GRK3: variants seen among roughly 807,000 people sequenced by gnomAD.
The protein encoded by GRK3 is G protein-coupled receptor kinase 3.
In GRK3, 54 loss-of-function variants were observed where a neutral mutation model predicts 95.7. That is an observed-to-expected ratio of 0.56 (90% confidence interval 0.45 to 0.71). GRK3 has a LOEUF of 0.71. GRK3 is among the 30% of genes least tolerant of loss of function. GRK3 has a pLI of 0.00. For missense variants in GRK3, 649 were observed against 851.2 expected (o/e 0.76, Z 2.96); for synonymous variants, 281 against 290.8 (o/e 0.97, Z 0.34).
chr22:25,671,889 T>G (rs903204435), intron 6 of GRK3, among the ~76,000 whole-genome samples: 1 of 152,242 alleles, frequency 6.6e-6, no homozygotes, highest in African/African-American at 2.4e-5. Flanking sequence ...AAGTGCAGAA[T>G]GCACTTCAGA....
chr22:25,662,479 T>C (rs971645592), intron 4 of GRK3, among the ~76,000 whole-genome samples: 2 of 152,224 alleles, frequency 1.3e-5, no homozygotes, highest in African/African-American at 4.8e-5. Context: ...CCTCCCATTG[T>C]CACAGCAAGT....
chr22:25,703,510 T>G lies in GRK3; in HGVS notation c.1161T>G (p.Gly387=). The G allele has an allele frequency of 6.2e-7, 1 of 1,611,300 alleles. No individual in the cohort carries two copies. The highest frequency in any genetic ancestry group is 8.5e-7 in the Non-Finnish European group (1 of 1,177,598). The change falls in exon 14 of 21, where the codon GGT becomes GGG. Residue 387 remains glycine (G), a splice_region_variant and synonymous_variant. Transcript: ENST00000324198. The part of the protein sequence containing the change: ...LGCMLFKLLR[G]HSPFRQHKTK... Reference sequence around the variant, plus strand: ...ATAGAACAATTCTTTATTTCTACAGTCACAGCCCTTTCAGACAACATAAAA... The same window carrying G: ...ATAGAACAATTCTTTATTTCTACAGGCACAGCCCTTTCAGACAACATAAAA...
intron 20 of GRK3, 125 bp downstream of exon 20, chr22:25,721,522 C>T: frequency 1.7e-6 from 1 of 581,170 alleles, no homozygotes; most frequent in Non-Finnish European, 3.0e-6. Flanking sequence ...AAGAAAGCCC[C>T]AAGGTACAAG....
At chr22:25,678,369 G>A (rs1453695171) in intron 8 of GRK3, among the ~76,000 whole-genome samples, 5 of 152,150 alleles carry the variant, frequency 3.3e-5, no homozygotes, top group African/African-American at 1.2e-4. Flanking sequence ...ACAGGAGAAT[G>A]GTGTGAACCC....
chr22:25,626,229 G>A (rs1435985084), intron 2 of GRK3, among the ~76,000 whole-genome samples: 3 of 152,134 alleles, frequency 2.0e-5, no homozygotes, highest in South Asian at 2.1e-4. Flanking sequence ...GCGCCAGGCC[G>A]ATGATGATTC....
chr22:25,653,453 A>T (rs1314976138), intron 3 of GRK3, among the ~76,000 whole-genome samples: 1 of 152,276 alleles, frequency 6.6e-6, no homozygotes, highest in Non-Finnish European at 1.5e-5. Context: ...CCAATCCAAC[A>T]AAAAGATATC....
At chr22:25,689,044 G>C (rs1467466396) in intron 11 of GRK3, among the ~76,000 whole-genome samples, 1 of 151,202 alleles carries the variant, frequency 6.6e-6, no homozygotes, top group Non-Finnish European at 1.5e-5. Context: ...TACTTTCTAA[G>C]ATATTATAAA....
chr22:25,590,177 A>G (rs996529090), intron 1 of GRK3, among the ~76,000 whole-genome samples: 3 of 152,192 alleles, frequency 2.0e-5, no homozygotes, highest in African/African-American at 7.2e-5. Flanking sequence ...TCATCTTTAA[A>G]TATTTCTATA....
chr22:25,641,952 C>A (rs1217720467), intron 2 of GRK3, among the ~76,000 whole-genome samples: 1 of 152,130 alleles, frequency 6.6e-6, no homozygotes, highest in Admixed American at 6.5e-5. Flanking sequence ...TTCATTTTGT[C>A]ATTTAGACAT....
intron 5 of GRK3, among the ~76,000 whole-genome samples, chr22:25,665,669 GT>G (rs1267133323): frequency 6.6e-5 from 10 of 152,012 alleles, no homozygotes; most frequent in African/African-American, 2.4e-4. Flanking sequence ...AAAATAAGGA[GT>G]ATATTAATGC....
intron 2 of GRK3, among the ~76,000 whole-genome samples, chr22:25,643,405 T>G (rs1206581416): frequency 4.6e-5 from 7 of 152,244 alleles, no homozygotes; most frequent in African/African-American, 1.7e-4. Context: ...GAGGGGAATT[T>G]ATGGATCAGT....
chr22:25,682,790 A>G (rs932310435), intron 9 of GRK3, among the ~76,000 whole-genome samples: 2 of 152,372 alleles, frequency 1.3e-5, no homozygotes, highest in Middle Eastern at 3.4e-3. Context: ...CAAGAGACGG[A>G]AAGTTACCAG....
chr22:25,610,646 C>T (rs2084489650), intron 2 of GRK3, among the ~76,000 whole-genome samples: 1 of 152,230 alleles, frequency 6.6e-6, no homozygotes, highest in African/African-American at 2.4e-5. Context: ...CTCCCATCCT[C>T]AGCCCCAGAC....
At chr22:25,601,112 A>G (rs2084406664) in intron 1 of GRK3, among the ~76,000 whole-genome samples, 1 of 152,228 alleles carries the variant, frequency 6.6e-6, no homozygotes, top group Non-Finnish European at 1.5e-5. Flanking sequence ...AAGTAGACAG[A>G]AAATCCATAA....
chr22:25,600,726 A>G (rs547904660), intron 1 of GRK3, among the ~76,000 whole-genome samples: 3 of 152,034 alleles, frequency 2.0e-5, no homozygotes, highest in Admixed American at 2.0e-4. Context: ...CCTAGATAGA[A>G]CTCATGGCTT....
intron 1 of GRK3, among the ~76,000 whole-genome samples, chr22:25,594,736 G>A (rs1023690422): frequency 5.3e-5 from 8 of 151,946 alleles, no homozygotes; most frequent in African/African-American, 1.7e-4. Context: ...AAATTAGCCG[G>A]GCGTGGCGGT....
intron 3 of GRK3, chr22:25,649,243 A>G (rs561627516): frequency 8.4e-5 from 101 of 1,201,986 alleles, no homozygotes; most frequent in Non-Finnish European, 1.1e-4. Flanking sequence ...TAATTCAAGT[A>G]GCCTATTTTA....
intron 1 of GRK3, among the ~76,000 whole-genome samples, chr22:25,589,207 G>T (rs1181057441): frequency 4.6e-5 from 7 of 152,072 alleles, no homozygotes; most frequent in Non-Finnish European, 1.0e-4. Context: ...TTGGACATTA[G>T]AATAAAACAT....
At chr22:25,624,218 C>T (rs1356523355) in intron 2 of GRK3, among the ~76,000 whole-genome samples, 8 of 152,174 alleles carry the variant, frequency 5.3e-5, no homozygotes, top group Admixed American at 4.6e-4. Context: ...TGGAAGGCCA[C>T]CTCCTTTCCT....
Sources: gnomAD v4.1 joint callset for allele counts (sites outside exome capture counted in the v4.1 genomes callset) on GRCh38, gnomAD v4.1.1 for gene constraint, MANE v1.5 for transcripts, NCBI Gene and HGNC (gene_info 2026-07-23, HGNC 2026-07-21) for gene names.